Variants in ARHGEF38 observed in about 807,000 individuals in gnomAD.
The protein encoded by ARHGEF38 is Rho guanine nucleotide exchange factor (GEF) 38.
In ARHGEF38, 79 loss-of-function variants were observed where a neutral mutation model predicts 79.9. The ratio of observed to expected loss-of-function variants is 0.99; its 90% confidence interval spans 0.82 to 1.19. ARHGEF38 has a LOEUF of 1.19. Among genes scored for constraint, ARHGEF38 ranks in the 50% most tolerant of loss-of-function variants. The pLI, the probability that ARHGEF38 is intolerant of heterozygous loss-of-function variation, is 0.00. For synonymous variants in ARHGEF38, 366 were observed against 328.3 expected (o/e 1.11, Z -1.24); for missense variants, 962 against 907.2 (o/e 1.06, Z -0.78).
intron 2 of ARHGEF38, among the ~76,000 whole-genome samples, chr4:105,607,794 C>T (rs890934555): frequency 6.6e-6 from 1 of 151,940 alleles, no homozygotes; most frequent in Non-Finnish European, 1.5e-5. Flanking sequence ...GACAGTTTGT[C>T]GGCTTATGGA....
At chr4:105,614,179 T>C (rs1385853917) in intron 3 of ARHGEF38, among the ~76,000 whole-genome samples, 1 of 152,202 alleles carries the variant, frequency 6.6e-6, no homozygotes, top group African/African-American at 2.4e-5. Flanking sequence ...TATGAATTCC[T>C]TAAAGGCAGT....
intron 1 of ARHGEF38, among the ~76,000 whole-genome samples, chr4:105,574,997 CAT>C (rs777748469): frequency 1.6e-3 from 127 of 81,876 alleles, no homozygotes; most frequent in South Asian, 7.9e-3. Context: ...TATGTACACA[CAT>C]ACACACACAT....
At position 105,637,519 on chromosome 4, in the gene ARHGEF38, A is replaced by G. The variant is rs574913429; in HGVS notation, c.674+1099A>G. Among the ~76,000 whole-genome samples the G allele has an allele frequency of 9.2e-5, 14 of 152,240 alleles. No homozygotes were observed. The South Asian group carries it at 2.9e-3, about 32-fold the overall frequency. On this transcript the variant is annotated intron_variant, in intron 5 of 13. Coordinates refer to ENST00000420470, the MANE Select transcript of ARHGEF38 (RefSeq NM_001242729.2). ...ATTCTAGGCTCATTTGAATTCAAAGAGGTGCATCGGCCTCCTGGCTTCTCT... is the reference window on the plus strand; with the variant it reads ...ATTCTAGGCTCATTTGAATTCAAAGGGGTGCATCGGCCTCCTGGCTTCTCT...
intron 8 of ARHGEF38, among the ~76,000 whole-genome samples, chr4:105,655,393 C>T (rs918894307): frequency 2.6e-5 from 4 of 152,064 alleles, no homozygotes; most frequent in Admixed American, 2.0e-4. Context: ...ATACAGAGTA[C>T]TATGAGAAAG....
intron 1 of ARHGEF38, among the ~76,000 whole-genome samples, chr4:105,558,268 G>A (rs17509136): frequency 0.1 from 15,878 of 152,148 alleles, 1,114 homozygotes; most frequent in Middle Eastern, 0.15. Flanking sequence ...AGTCTGTCAG[G>A]GAGCAGAAAT....
chr4:105,600,260 G>A (rs750175420), intron 2 of ARHGEF38, among the ~76,000 whole-genome samples: 8 of 152,154 alleles, frequency 5.3e-5, no homozygotes, highest in African/African-American at 1.2e-4. Context: ...TCAAGGCAAC[G>A]CTAGAAGTGA....
intron 13 of ARHGEF38, among the ~76,000 whole-genome samples, chr4:105,673,558 A>C (rs998972594): frequency 2.0e-5 from 3 of 152,198 alleles, no homozygotes; most frequent in Admixed American, 2.0e-4. Flanking sequence ...GAAAGTGCTT[A>C]AAAAAGTCAG....
chr4:105,659,999 C>T (rs1177216100), intron 10 of ARHGEF38, among the ~76,000 whole-genome samples: 3 of 152,046 alleles, frequency 2.0e-5, no homozygotes, highest in South Asian at 2.1e-4. Context: ...CTTGGCCCTA[C>T]GTTTCAACTA....
At chr4:105,645,430 G>C in intron 6 of ARHGEF38, 43 bp downstream of exon 6, 1 of 1,430,026 alleles carries the variant, frequency 7.0e-7, no homozygotes, top group Non-Finnish European at 9.3e-7. Context: ...CATTATTGGA[G>C]TGTTTGCTTT....
chr4:105,679,260 A>G lies in ARHGEF38; in HGVS notation c.*1323A>G. On this transcript the variant is annotated 3_prime_UTR_variant, in exon 14 of 14. Coordinates refer to ENST00000420470, the MANE Select transcript of ARHGEF38 (RefSeq NM_001242729.2). ...TCATAATATTCTTTAATTTCAGGTAATTTAGCTGGCACTGAGAGTATCCAG... is the reference window on the plus strand; with the variant it reads ...TCATAATATTCTTTAATTTCAGGTAGTTTAGCTGGCACTGAGAGTATCCAG... 1.5e-6 allele frequency: 1 copy of G among 684,296 alleles called. No individual in the cohort carries two copies. Among genetic ancestry groups the G allele is most frequent in the East Asian group, 2.5e-5 (1 of 39,428 alleles). 42.4% of individuals were successfully genotyped at this position (684,296 alleles called of 1,614,324 possible).
chr4:105,585,717 C>G (rs1253365342), intron 1 of ARHGEF38, among the ~76,000 whole-genome samples: 1 of 122,528 alleles, frequency 8.2e-6, no homozygotes, highest in Admixed American at 9.6e-5. Flanking sequence ...CTAAATAGCC[C>G]CTCCGTTGCT....
At chr4:105,616,916 A>T (rs1011744675) in intron 3 of ARHGEF38, among the ~76,000 whole-genome samples, 1 of 152,224 alleles carries the variant, frequency 6.6e-6, no homozygotes, top group African/African-American at 2.4e-5. Context: ...ATGGCTTCTC[A>T]TTTAGGTCAG....
At chr4:105,617,638 C>T (rs1728562030) in intron 3 of ARHGEF38, among the ~76,000 whole-genome samples, 1 of 152,118 alleles carries the variant, frequency 6.6e-6, no homozygotes, top group Non-Finnish European at 1.5e-5. Context: ...AATTGAATTG[C>T]ATTTTGTTAA....
At position 105,561,480 on chromosome 4, in the gene ARHGEF38, GAATA is replaced by G. The variant is rs1560684631; in HGVS notation, c.196+8520_196+8523del. ...GAATAGAATAGAATAGAATAGAATAGAATAGAATAGAATAGAATAGAATAGAATA... is the reference window on the plus strand; with the variant it reads ...GAATAGAATAGAATAGAATAGAATAGGAATAGAATAGAATAGAATAGAATA... On this transcript the variant is annotated intron_variant, in intron 1 of 13. Transcript: ENST00000420470. The G allele has an allele frequency of 6.0e-5, 8 of 134,198 alleles. 1 individual carries two copies. The highest frequency in any genetic ancestry group is 5.3e-4 in the Admixed American group (7 of 13,232). The allele number at this position is 134,198 out of a possible 1,614,324, so 8.3% of individuals were successfully genotyped here.
intron 1 of ARHGEF38, among the ~76,000 whole-genome samples, chr4:105,560,130 A>G (rs751821023): frequency 2.9e-4 from 44 of 152,370 alleles, no homozygotes; most frequent in Non-Finnish European, 5.1e-4. Flanking sequence ...CTCTGCTACC[A>G]TAATAAAGCT....
At chr4:105,606,813 AC>A (rs775250888) in intron 2 of ARHGEF38, among the ~76,000 whole-genome samples, 1 of 152,136 alleles carries the variant, frequency 6.6e-6, no homozygotes, top group Non-Finnish European at 1.5e-5. Flanking sequence ...ACACACAGAC[AC>A]ACAGAGAAAA....
chr4:105,570,295 C>T (rs1726155808), intron 1 of ARHGEF38: 2 of 152,266 alleles, frequency 1.3e-5, no homozygotes, highest in South Asian at 2.1e-4. Flanking sequence ...TATCACAATA[C>T]ATTATAATCA....
At chr4:105,672,639 T>C (rs1260663345) in intron 13 of ARHGEF38, among the ~76,000 whole-genome samples, 2 of 152,190 alleles carry the variant, frequency 1.3e-5, no homozygotes, top group African/African-American at 4.8e-5. Flanking sequence ...CTTAAAACAA[T>C]ACAAACATAT....
At position 105,679,812 on chromosome 4, in the gene ARHGEF38, G is replaced by C; in HGVS notation, c.*1875G>C. ...CCAGCTTTACCCACGCATCCAGAGA[G>C]ATGGATATAGGACTCAATATCCTGA... is the stretch of plus-strand genomic sequence containing the variant. On this transcript the variant is annotated 3_prime_UTR_variant, in exon 14 of 14. Coordinates refer to ENST00000420470, the MANE Select transcript of ARHGEF38 (RefSeq NM_001242729.2). The C allele has an allele frequency of 8.5e-7, 1 of 1,181,428 alleles. No individual in the cohort carries two copies. Among genetic ancestry groups the C allele is most frequent in the Admixed American group, 1.7e-5 (1 of 57,860 alleles). 73.2% of individuals were successfully genotyped at this position (1,181,428 alleles called of 1,614,324 possible).
Sources: allele counts gnomAD v4.1 joint callset (sites outside exome capture counted in the v4.1 genomes callset), GRCh38; gene constraint gnomAD v4.1.1; transcripts MANE v1.5; gene names NCBI Gene and HGNC (gene_info 2026-07-23, HGNC 2026-07-21).